SH2D4B: variants seen among roughly 807,000 people sequenced by gnomAD.
SH2D4B encodes SH2 domain containing 4B.
A neutral mutation model predicts 61.5 loss-of-function variants in SH2D4B; 45 were observed. The observed-to-expected ratio is 0.73, with a 90% CI of 0.58 to 0.94. The LOEUF is 0.94. SH2D4B is among the 40% of genes least tolerant of loss of function. The pLI is 0.00. For synonymous variants in SH2D4B, 224 were observed against 220.4 expected, an observed-to-expected ratio of 1.02 and a Z score of -0.14; for missense variants, 572 against 574.2, an observed-to-expected ratio of 1.00 and a Z score of 0.04.
chr10:80,573,761 C>A (rs1031089795), intron 3 of SH2D4B, among the ~76,000 whole-genome samples: 22 of 152,226 alleles, frequency 1.4e-4, no homozygotes, highest in Admixed American at 1.2e-3. Context: ...AGAACCCTAC[C>A]ATTACTCTTC....
rs7088299 is a variant in SH2D4B at position 80,609,872 on chromosome 10, G to C, written c.988+321G>C. Reference sequence around the variant, plus strand: ...GTGAGCCCTGAGAGTTGCATGAGCTGCTGGTGGCTAGGACCCCCATCCCTG... The same window carrying C: ...GTGAGCCCTGAGAGTTGCATGAGCTCCTGGTGGCTAGGACCCCCATCCCTG... On this transcript the variant is annotated intron_variant, in intron 6 of 7. Coordinates refer to ENST00000646907, the MANE Select transcript of SH2D4B (RefSeq NM_001388272.1). Among the ~76,000 whole-genome samples the C allele has an allele frequency of 2.4e-3, 363 of 152,252 alleles. 1 individual carries two copies. Among genetic ancestry groups the C allele is most frequent in the African/African-American group, 8.5e-3 (355 of 41,544 alleles).
rs141385954 is a variant in SH2D4B, at chr10:80,640,256, A to G, written c.1210-3737A>G. ...CATTTCAACCTTGGTGAATCTGACAATTATGTGTCTTGGGGTTGCTCTTCA... is the reference window on the plus strand; with the variant it reads ...CATTTCAACCTTGGTGAATCTGACAGTTATGTGTCTTGGGGTTGCTCTTCA... On this transcript the variant is annotated intron_variant, in intron 7 of 7. Transcript: ENST00000646907. 5.1e-3 allele frequency among the ~76,000 whole-genome samples: 769 copies of G among 152,172 alleles called. 9 individuals carry two copies. The highest frequency in any genetic ancestry group is 0.018 in the African/African-American group (733 of 41,504).
chr10:80,598,674 T>G (rs1451999137), intron 4 of SH2D4B, among the ~76,000 whole-genome samples: 3 of 152,200 alleles, frequency 2.0e-5, no homozygotes. Context: ...TTAGTATCAC[T>G]TGAATACCAT....
At chr10:80,597,532 G>A (rs945924964) in intron 4 of SH2D4B, among the ~76,000 whole-genome samples, 2 of 152,290 alleles carry the variant, frequency 1.3e-5, no homozygotes, top group African/African-American at 4.8e-5. Flanking sequence ...CAGGCATGGC[G>A]GTGTGCACCT....
intron 4 of SH2D4B, among the ~76,000 whole-genome samples, chr10:80,594,535 C>T (rs1842365284): frequency 6.6e-6 from 1 of 152,182 alleles, no homozygotes; most frequent in South Asian, 2.1e-4. Flanking sequence ...TCTTCTATTT[C>T]TCATGATGAA....
chr10:80,585,323 TTTC>T (rs1842230709), intron 3 of SH2D4B, among the ~76,000 whole-genome samples: 1 of 137,388 alleles, frequency 7.3e-6, no homozygotes, highest in Non-Finnish European at 1.5e-5. Flanking sequence ...GACTCCTCTT[TTTC>T]TTTTTTTTTT....
At chr10:80,621,987 C>T (rs1842720777) in intron 6 of SH2D4B, among the ~76,000 whole-genome samples, 1 of 152,210 alleles carries the variant, frequency 6.6e-6, no homozygotes, top group South Asian at 2.1e-4. Flanking sequence ...TCCCAAAGTG[C>T]TGGGATTACA....
intron 3 of SH2D4B, among the ~76,000 whole-genome samples, chr10:80,585,872 T>G (rs1842239744): frequency 6.6e-6 from 1 of 151,284 alleles, no homozygotes; most frequent in Non-Finnish European, 1.5e-5. Context: ...CAGGGAGGTG[T>G]GGAGGGAGAG....
intron 6 of SH2D4B, among the ~76,000 whole-genome samples, chr10:80,624,917 T>C (rs775060960): frequency 2.0e-5 from 3 of 152,188 alleles, no homozygotes; most frequent in Non-Finnish European, 2.9e-5. Context: ...TGTATATACA[T>C]ATGTGAAGGG....
At chr10:80,540,982 G>A (rs1384594609) in intron 1 of SH2D4B, 1 of 1,299,938 alleles carries the variant, frequency 7.7e-7, no homozygotes, top group South Asian at 1.3e-5. Context: ...ACTGTCTTGA[G>A]AAAGAACTCG....
At chr10:80,549,972 TTTAA>T (rs1414729586) in intron 1 of SH2D4B, among the ~76,000 whole-genome samples, 1 of 152,100 alleles carries the variant, frequency 6.6e-6, no homozygotes, top group Non-Finnish European at 1.5e-5. Context: ...ATTTAATTAA[TTTAA>T]TTAATTAACA....
chr10:80,618,393 G>A (rs952915665), intron 6 of SH2D4B, among the ~76,000 whole-genome samples: 24 of 152,282 alleles, frequency 1.6e-4, no homozygotes, highest in African/African-American at 5.1e-4. Context: ...CATGGATATT[G>A]CCTCTTGTGC....
chr10:80,641,504 A>C lies in SH2D4B; in HGVS notation c.1210-2489A>C, dbSNP rs567533439. Among the ~76,000 whole-genome samples, 11 of 152,392 alleles carry C rather than the reference A, an allele frequency of 7.2e-5. No individual in the cohort carries two copies. In the East Asian group the frequency reaches 2.1e-3, roughly 29 times the overall value. On this transcript the variant is annotated intron_variant, in intron 7 of 7. Transcript: ENST00000646907. ...ACCTACTCAAGCCCAGCAATGGCAG[A>C]CGCCTGAGGGAGGCATCTTAACCCC...
chr10:80,543,311 G>A (rs937550069), intron 1 of SH2D4B, among the ~76,000 whole-genome samples: 11 of 152,164 alleles, frequency 7.2e-5, no homozygotes, highest in African/African-American at 2.4e-4. Flanking sequence ...AGTTCCGGGG[G>A]GCGTGGGCTG....
At chr10:80,602,542 C>T (rs746328456) in intron 4 of SH2D4B, among the ~76,000 whole-genome samples, 5 of 152,222 alleles carry the variant, frequency 3.3e-5, no homozygotes, top group Middle Eastern at 3.4e-3. Context: ...CTTGGAGTCT[C>T]GTAAGCTGTT....
intron 5 of SH2D4B, among the ~76,000 whole-genome samples, chr10:80,606,983 G>T (rs1842526834): frequency 6.6e-6 from 1 of 152,132 alleles, no homozygotes; most frequent in Non-Finnish European, 1.5e-5. Context: ...CTCCTTTGAA[G>T]GGTTTATAAC....
At chr10:80,613,716 A>C (rs972384387) in intron 6 of SH2D4B, among the ~76,000 whole-genome samples, 1 of 152,224 alleles carries the variant, frequency 6.6e-6, no homozygotes, top group African/African-American at 2.4e-5. Flanking sequence ...CTCCCCAGCC[A>C]TGTAGACAGT....
chr10:80,554,734 G>C (rs1841805155), intron 1 of SH2D4B, among the ~76,000 whole-genome samples: 1 of 152,138 alleles, frequency 6.6e-6, no homozygotes, highest in Admixed American at 6.5e-5. Flanking sequence ...AAATGGCTGG[G>C]CGCGGTGGCT....
rs1842041203 is a variant in SH2D4B at position 80,571,450 on chromosome 10, A to G, written c.367A>G (p.Ile123Val). 6.2e-7 allele frequency: 1 copy of G among 1,614,050 alleles called. No homozygotes were observed. Among genetic ancestry groups the G allele is most frequent in the Non-Finnish European group, 8.5e-7 (1 of 1,179,894 alleles). ...TGGTAGGAGACAGAAGGAGGCAGAG[A>G]TCACCAAGAAGTTCCGGGATGCTCT... is the stretch of plus-strand genomic sequence containing the variant. ...EELWRQKEAE[I>V]TKKFRDALAN... Residue 123 changes from isoleucine (I) to valine (V), a missense_variant, in exon 3 of 8, where the codon ATC becomes GTC. Coordinates refer to ENST00000646907, the MANE Select transcript of SH2D4B (RefSeq NM_001388272.1).
Sources: allele counts gnomAD v4.1 joint callset (sites outside exome capture counted in the v4.1 genomes callset), GRCh38; gene constraint gnomAD v4.1.1; transcripts MANE v1.5; gene names NCBI Gene and HGNC (gene_info 2026-07-23, HGNC 2026-07-21).